Variants in ANKRD18A observed in about 807,000 individuals in gnomAD.
ANKRD18A encodes the protein ankyrin repeat domain 18A, also known as ankyrin repeat domain-containing protein 18A.
Under a neutral mutation model 110.6 loss-of-function variants are expected in ANKRD18A, and 72 were observed. The observed-to-expected ratio is 0.65, with a 90% CI of 0.54 to 0.79. The LOEUF is 0.79. Ranked by LOEUF, ANKRD18A falls within the 30% of genes least tolerant of loss-of-function variation. The probability of loss-of-function intolerance (pLI) is 0.00; values close to 1 mark genes in which losing one functional copy is unlikely to be tolerated. For synonymous variants in ANKRD18A, 305 were observed against 410.3 expected, an observed-to-expected ratio of 0.74 and a Z score of 3.10; for missense variants, 934 against 1,163.3, an observed-to-expected ratio of 0.80 and a Z score of 2.87.
At chr9:38,587,391 A>C (rs1824432892) in intron 11 of ANKRD18A, among the ~76,000 whole-genome samples, 1 of 152,154 alleles carries the variant, frequency 6.6e-6, no homozygotes, top group Admixed American at 6.5e-5. Context: ...TTTTTTAAAA[A>C]AAGTCTGTGA....
chr9:38,588,336 T>C (rs1021693499), intron 11 of ANKRD18A, among the ~76,000 whole-genome samples: 9 of 152,172 alleles, frequency 5.9e-5, no homozygotes, highest in Non-Finnish European at 1.2e-4. Context: ...TTGATTTTTT[T>C]AATAATTCCA....
chr9:38,612,055 A>G (rs1056741299), intron 3 of ANKRD18A, among the ~76,000 whole-genome samples: 26 of 152,286 alleles, frequency 1.7e-4, no homozygotes, highest in African/African-American at 4.8e-4. Flanking sequence ...CAGGATGCCA[A>G]TGTCAGGCAC....
downstream of ANKRD18A, chr9:38,569,278 C>T: frequency 5.3e-6 from 5 of 950,794 alleles, no homozygotes; most frequent in Non-Finnish European, 6.3e-6. Flanking sequence ...ACTGTCAGCA[C>T]AGAACAGGCA....
At position 38,571,596 on chromosome 9, in the gene ANKRD18A, G is replaced by C; in HGVS notation, c.*449C>G. 2 of 1,009,638 alleles carry C rather than the reference G, an allele frequency of 2.0e-6. No homozygotes were observed. Among genetic ancestry groups the C allele is most frequent in the Non-Finnish European group, 2.4e-6 (2 of 846,462 alleles). 62.5% of individuals were successfully genotyped at this position (1,009,638 alleles called of 1,614,324 possible). A position where few individuals can be genotyped will look rare whatever the true frequency, so the allele number is the denominator to read the frequency against. ...CCGTAACACTAGTATGGACAAACCT[G>C]GCAGATACTCTTTAAGTCTCCTACT... On this transcript the variant is annotated 3_prime_UTR_variant, in exon 16 of 16. Transcript: ENST00000399703.
chr9:38,601,267 G>T (rs1239215050), intron 7 of ANKRD18A, 63 bp from the exon 8 acceptor site: 16 of 1,409,990 alleles, frequency 1.1e-5, no homozygotes, highest in African/African-American at 2.9e-5. Flanking sequence ...TATAAAAATT[G>T]ATACAGAACA....
At chr9:38,603,663 C>T (rs1027058819) in intron 6 of ANKRD18A, among the ~76,000 whole-genome samples, 5 of 152,076 alleles carry the variant, frequency 3.3e-5, no homozygotes, top group African/African-American at 1.2e-4. Flanking sequence ...AGAGAGACCA[C>T]ATGGCCTAAA....
Position 38,595,479 on chromosome 9 carries a change from T to C in ANKRD18A, c.1854+7A>G, listed in dbSNP as rs1033172543. ...TTCCAGAAGTTTATAGTTTTCTTCA[T>C]ACTTACTTCTCTTTCTGCTTTTTCT... is the stretch of plus-strand genomic sequence containing the variant. On this transcript the variant is annotated splice_region_variant and intron_variant, in intron 9 of 15. Transcript: ENST00000399703. 2.1e-6 allele frequency: 3 copies of C among 1,462,226 alleles called. No homozygotes were observed. Among genetic ancestry groups the C allele is most frequent in the Non-Finnish European group, 2.7e-6 (3 of 1,108,484 alleles). The allele number at this position is 1,462,226 out of a possible 1,614,324, so 90.6% of individuals were successfully genotyped here. A position where few individuals can be genotyped will look rare whatever the true frequency, so the allele number is the denominator to read the frequency against.
chr9:38,610,368 G>C lies in ANKRD18A; in HGVS notation c.645C>G (p.Ile215Met), dbSNP rs377112891. ...ILAVQHNLSSIVTLLLQQNIR... is the reference protein window; with the variant it reads ...ILAVQHNLSSMVTLLLQQNIR... ...TATTTTGTTGAAGCAGGAGGGTGAC[G>C]ATACTTGACAAGTTATGCTGTACTG... is the stretch of plus-strand genomic sequence containing the variant. The change falls in exon 5 of 16, where the codon ATC (isoleucine) becomes ATG (methionine). Residue 215 changes from isoleucine to methionine, a missense_variant. By Grantham distance (10) the Ile-to-Met change is conservative (BLOSUM62 1). Around this residue, in one of 4 missense-constraint regions of ANKRD18A, gnomAD observed 630 missense variants for 797.5 expected, o/e 0.79. Coordinates refer to ENST00000399703, the MANE Select transcript of ANKRD18A (RefSeq NM_147195.4). 3 of 1,550,362 alleles carry C rather than the reference G, an allele frequency of 1.9e-6. No homozygotes were observed. The highest frequency in any genetic ancestry group is 2.4e-5 in the South Asian group (2 of 83,704).
In ANKRD18A at chr9:38,610,391, C is replaced by T. The variant is rs1388626608; in HGVS notation, c.622G>A (p.Val208Ile). Residue 208 changes from valine to isoleucine, a missense_variant, in exon 5 of 16, where the codon GTA (valine) becomes ATA (isoleucine). This residue lies in a region of ANKRD18A where 630 missense variants were observed against 797.5 expected (regional missense o/e 0.79). Transcript: ENST00000399703. ...ACGATACTTGACAAGTTATGCTGTACTGCAAGTATGAGGGCTGTTCTAAAA... is the reference window on the plus strand; with the variant it reads ...ACGATACTTGACAAGTTATGCTGTATTGCAAGTATGAGGGCTGTTCTAAAA... ...NFKRTALILAVQHNLSSIVTL... is the reference protein window; with the variant it reads ...NFKRTALILAIQHNLSSIVTL... The T allele has an allele frequency of 3.2e-6, 5 of 1,547,194 alleles. No individual in the cohort carries two copies. The East Asian group carries it at 7.3e-5, about 23-fold the overall frequency.
chr9:38,591,619 T>C (rs1187786621), intron 10 of ANKRD18A, among the ~76,000 whole-genome samples: 2 of 152,352 alleles, frequency 1.3e-5, no homozygotes, highest in East Asian at 3.9e-4. Flanking sequence ...TTGACCATTG[T>C]ATGTGTTAGG....
intron 9 of ANKRD18A, among the ~76,000 whole-genome samples, chr9:38,594,351 C>G (rs1485513639): frequency 6.6e-6 from 1 of 152,154 alleles, no homozygotes; most frequent in Non-Finnish European, 1.5e-5. Flanking sequence ...TCTGCCACCC[C>G]TCATTAGTCT....
downstream of ANKRD18A, chr9:38,568,628 C>G (rs961744290): frequency 1.3e-6 from 1 of 746,978 alleles, no homozygotes; most frequent in Admixed American, 6.3e-5. Flanking sequence ...CACACCCTTG[C>G]AGAGGTGGCT....
Position 38,596,253 on chromosome 9 carries a change from T to C in ANKRD18A, c.1087A>G (p.Thr363Ala). 2 of 1,537,732 alleles carry C rather than the reference T, an allele frequency of 1.3e-6. No homozygotes were observed. Among genetic ancestry groups the C allele is most frequent in the Non-Finnish European group, 1.7e-6 (2 of 1,143,288 alleles). ...TTTTCAAAGTTAGCATTTATTTCTG[T>C]AATGCTTTTAATTTCCTGAATATAT... ...KKYIQEIKSI[T>A]EINANFEKSV... Residue 363 changes from threonine to alanine, a missense_variant, in exon 9 of 16, where the codon ACA becomes GCA. By Grantham distance (58) the Thr-to-Ala change is moderately conservative (BLOSUM62 0). Coordinates refer to ENST00000399703, the MANE Select transcript of ANKRD18A (RefSeq NM_147195.4).
At chr9:38,603,895 C>G (rs1825238975) in intron 6 of ANKRD18A, among the ~76,000 whole-genome samples, 1 of 152,190 alleles carries the variant, frequency 6.6e-6, no homozygotes, top group Admixed American at 6.5e-5. Flanking sequence ...TCCCAATACC[C>G]CTCCTCATCT....
intron 10 of ANKRD18A, among the ~76,000 whole-genome samples, chr9:38,592,904 T>C (rs946352585): frequency 3.3e-5 from 5 of 150,012 alleles, no homozygotes; most frequent in Non-Finnish European, 5.9e-5. Flanking sequence ...AAGTGGATGG[T>C]GGTTGCCTAC....
intron 10 of ANKRD18A, among the ~76,000 whole-genome samples, chr9:38,592,768 T>C (rs1824709176): frequency 6.6e-6 from 1 of 152,088 alleles, no homozygotes; most frequent in Non-Finnish European, 1.5e-5. Context: ...AAACTACTGA[T>C]ATGTGCTACA....
chr9:38,582,617 A>G (rs1427785488), intron 12 of ANKRD18A, among the ~76,000 whole-genome samples: 1 of 152,264 alleles, frequency 6.6e-6, no homozygotes, highest in Non-Finnish European at 1.5e-5. Context: ...AATAAATGAT[A>G]TTGGAACAAC....
At chr9:38,588,846 A>T (rs1824506137) in intron 10 of ANKRD18A, among the ~76,000 whole-genome samples, 183 bp from the exon 11 acceptor site, 1 of 152,224 alleles carries the variant, frequency 6.6e-6, no homozygotes, top group Non-Finnish European at 1.5e-5. Context: ...CAGCTAAAAA[A>T]GATTCACACT....
At chr9:38,575,033 G>T (rs1392359619) in intron 15 of ANKRD18A, among the ~76,000 whole-genome samples, 1 of 151,364 alleles carries the variant, frequency 6.6e-6, no homozygotes, top group Non-Finnish European at 1.5e-5. Context: ...GGCAGAGGTT[G>T]CAATGAGCTG....
Sources: allele counts gnomAD v4.1 joint callset (sites outside exome capture counted in the v4.1 genomes callset), GRCh38; gene constraint gnomAD v4.1.1; regional missense constraint gnomAD v4.1.1; transcripts MANE v1.5; gene names NCBI Gene and HGNC (gene_info 2026-07-23, HGNC 2026-07-21).